The following RNF180 variants were observed in gnomAD, a reference collection of about 807,000 sequenced individuals.
RNF180 encodes the protein E3 ubiquitin-protein ligase RNF180.
RNF180 carries 38 observed loss-of-function variants against 59.2 expected under a neutral mutation model. The ratio of observed to expected loss-of-function variants is 0.64; its 90% confidence interval spans 0.50 to 0.84. The LOEUF (loss-of-function observed/expected upper bound fraction) is 0.84, where lower values mean the gene tolerates loss of function less well. Ranked by LOEUF, RNF180 falls within the 40% of genes least tolerant of loss-of-function variation. The pLI is 0.00. For missense variants in RNF180, 705 were observed against 700.9 expected (o/e 1.01, Z -0.07); for synonymous variants, 262 against 240.3 (o/e 1.09, Z -0.84).
intron 5 of RNF180, among the ~76,000 whole-genome samples, chr5:64,258,647 G>C (rs1445956): frequency 6.6e-6 from 1 of 152,312 alleles, no homozygotes; most frequent in East Asian, 1.9e-4. Context: ...TGCCTGTGGG[G>C]TGTGAGATAT....
At chr5:64,320,159 C>T (rs1201941120) in intron 5 of RNF180, among the ~76,000 whole-genome samples, 1 of 152,178 alleles carries the variant, frequency 6.6e-6, no homozygotes, top group East Asian at 1.9e-4. Flanking sequence ...AGGTTTAGAG[C>T]CACAGGTGTG....
intron 5 of RNF180, among the ~76,000 whole-genome samples, chr5:64,293,101 G>A (rs1311319114): frequency 6.6e-6 from 1 of 152,152 alleles, no homozygotes; most frequent in African/African-American, 2.4e-5. Flanking sequence ...CAAACCAGTG[G>A]GTCTTAACTT....
chr5:64,254,281 T>G (rs889558736), intron 5 of RNF180, among the ~76,000 whole-genome samples: 5 of 152,170 alleles, frequency 3.3e-5, no homozygotes, highest in African/African-American at 1.2e-4. Flanking sequence ...AAATGGAGCC[T>G]GATGACAGGA....
chr5:64,192,903 G>GTGTATATATATATATATATATA (rs1486448173), intron 1 of RNF180, among the ~76,000 whole-genome samples: 3 of 93,888 alleles, frequency 3.2e-5, no homozygotes, highest in African/African-American at 1.2e-4. Context: ...AGTGTGGCAT[G>GTGTATATATATATATATATATA]TATATATATA....
intron 1 of RNF180, among the ~76,000 whole-genome samples, chr5:64,199,053 G>A (rs773429179): frequency 6.6e-6 from 1 of 152,174 alleles, no homozygotes; most frequent in Non-Finnish European, 1.5e-5. Context: ...CCTGACCTCA[G>A]ATGATCCACC....
chr5:64,166,497 C>T (rs934410039), intron 1 of RNF180, among the ~76,000 whole-genome samples: 1 of 151,546 alleles, frequency 6.6e-6, no homozygotes, highest in African/African-American at 2.4e-5. Flanking sequence ...GTACGACTTT[C>T]TGCTAGGCAG....
At chr5:64,248,699 G>A (rs970295288) in intron 5 of RNF180, among the ~76,000 whole-genome samples, 11 of 152,162 alleles carry the variant, frequency 7.2e-5, no homozygotes, top group South Asian at 2.1e-4. Flanking sequence ...ACAGTATGGC[G>A]ATTCCTCAAG....
Position 64,251,596 on chromosome 5 carries a change from T to A in RNF180, c.1227+34200T>A, listed in dbSNP as rs542839864. The stretch of plus-strand genomic sequence containing the variant: ...TACCACCACACCTGGCTAATTTTTT[T>A]AATTTTTTATATTGTAGGCATAGGA... On this transcript the variant is annotated intron_variant, in intron 5 of 7. Coordinates refer to ENST00000389100, the MANE Select transcript of RNF180 (RefSeq NM_001113561.2). Among the ~76,000 whole-genome samples, 104 of 152,240 alleles carry A rather than the reference T, an allele frequency of 6.8e-4. 1 individual carries two copies. The highest frequency in any genetic ancestry group is 2.5e-3 in the African/African-American group (102 of 41,556).
At chr5:64,279,061 T>A (rs1057081371) in intron 5 of RNF180, among the ~76,000 whole-genome samples, 1 of 152,174 alleles carries the variant, frequency 6.6e-6, no homozygotes. Context: ...GGAGAATGTA[T>A]ACTGTTAGAA....
intron 5 of RNF180, among the ~76,000 whole-genome samples, chr5:64,275,159 A>G (rs987713645): frequency 6.6e-6 from 1 of 151,688 alleles, no homozygotes; most frequent in Non-Finnish European, 1.5e-5. Flanking sequence ...AGAATTCTGT[A>G]ACATACATGT....
intron 5 of RNF180, among the ~76,000 whole-genome samples, chr5:64,310,724 A>G (rs534536587): frequency 2.0e-5 from 3 of 152,012 alleles, no homozygotes; most frequent in African/African-American, 7.2e-5. Context: ...TAGCTCTATC[A>G]TATTTCAGTA....
chr5:64,341,740 G>A (rs959998087), intron 7 of RNF180, among the ~76,000 whole-genome samples: 1 of 152,118 alleles, frequency 6.6e-6, no homozygotes, highest in Non-Finnish European at 1.5e-5. Flanking sequence ...GGGACACAGA[G>A]GTGAGCAAGG....
At position 64,183,474 on chromosome 5, in the gene RNF180, GTCTC is replaced by G. The variant is rs945978517; in HGVS notation, c.1-17328_1-17325del. On this transcript the variant is annotated intron_variant, in intron 1 of 7. Coordinates refer to ENST00000389100, the MANE Select transcript of RNF180 (RefSeq NM_001113561.2). ...TTTTTTTTTTTTTTTTTTTGACTCAGTCTCTCTCTATTGCCCAAGCTGGAGTGTT... is the reference window on the plus strand; with the variant it reads ...TTTTTTTTTTTTTTTTTTTGACTCAGTCTCTATTGCCCAAGCTGGAGTGTT... Among the ~76,000 whole-genome samples, 29 of 91,292 alleles carry G rather than the reference GTCTC, an allele frequency of 3.2e-4. No individual in the cohort carries two copies. The East Asian group carries it at 4.7e-3, about 15-fold the overall frequency. The allele number at this position is 91,292 out of a possible 152,430, so 59.9% of individuals were successfully genotyped here.
intron 7 of RNF180, among the ~76,000 whole-genome samples, chr5:64,355,764 CAA>C (rs1464557118): frequency 6.6e-6 from 1 of 151,954 alleles, no homozygotes; most frequent in East Asian, 1.9e-4. Flanking sequence ...GGATTTTTGA[CAA>C]GTCTACTAAT....
chr5:64,201,353 A>G (rs1389864), intron 2 of RNF180, among the ~76,000 whole-genome samples: 68,728 of 151,968 alleles, frequency 0.45, 17,036 homozygotes, highest in African/African-American at 0.66. Context: ...GGGCCTAGAA[A>G]AGAAAGTTTA....
At chr5:64,292,599 C>T (rs536040849) in intron 5 of RNF180, among the ~76,000 whole-genome samples, 25 of 152,262 alleles carry the variant, frequency 1.6e-4, no homozygotes, top group African/African-American at 4.1e-4. Context: ...CACCCAGTCA[C>T]GAGGGATGGG....
At chr5:64,255,583 T>G (rs2112294182) in intron 5 of RNF180, among the ~76,000 whole-genome samples, 1 of 152,374 alleles carries the variant, frequency 6.6e-6, no homozygotes, top group South Asian at 2.1e-4. Flanking sequence ...CCACATTTTC[T>G]TAATCCAATC....
At chr5:64,165,368 T>C (rs555625761), upstream of RNF180, among the ~76,000 whole-genome samples, 1 of 152,258 alleles carries the variant, frequency 6.6e-6, no homozygotes, top group African/African-American at 2.4e-5. Context: ...GGTGGAACTT[T>C]AGGCACAAGA....
chr5:64,255,450 T>C (rs946204781), intron 5 of RNF180, among the ~76,000 whole-genome samples: 1 of 152,158 alleles, frequency 6.6e-6, no homozygotes, highest in Non-Finnish European at 1.5e-5. Flanking sequence ...ACATGTGGTG[T>C]ATGGTTTTTT....
Sources: allele counts gnomAD v4.1 joint callset (sites outside exome capture counted in the v4.1 genomes callset), GRCh38; gene constraint gnomAD v4.1.1; transcripts MANE v1.5; gene names NCBI Gene and HGNC (gene_info 2026-07-23, HGNC 2026-07-21).